The following TMEM123 variants were observed in gnomAD, a reference collection of about 807,000 sequenced individuals.
TMEM123 encodes porimin.
In TMEM123, 16 loss-of-function variants were observed where a neutral mutation model predicts 19.7. The observed-to-expected ratio is 0.81, with a 90% CI of 0.55 to 1.23. The LOEUF (loss-of-function observed/expected upper bound fraction) is 1.23. TMEM123 is among the 50% of genes most tolerant of loss of function. The pLI, the probability that TMEM123 is intolerant of heterozygous loss-of-function variation, is 0.00. For synonymous variants in TMEM123, 118 were observed against 99.4 expected (o/e 1.19, Z -1.12); for missense variants, 313 against 257.8 (o/e 1.21, Z -1.47).
chr11:102,421,794 T>C (rs1952089079), intron 2 of TMEM123, among the ~76,000 whole-genome samples: 1 of 152,210 alleles, frequency 6.6e-6, no homozygotes, highest in African/African-American at 2.4e-5. Context: ...ACATATGCTG[T>C]GTGCAGTCAC....
intron 2 of TMEM123, among the ~76,000 whole-genome samples, chr11:102,428,248 C>T (rs772806034): frequency 3.1e-4 from 47 of 152,196 alleles, no homozygotes; most frequent in Non-Finnish European, 4.7e-4. Context: ...TATATTATTA[C>T]GTTACTACTG....
chr11:102,415,120 C>T (rs1195841339), intron 2 of TMEM123, among the ~76,000 whole-genome samples: 1 of 152,176 alleles, frequency 6.6e-6, no homozygotes, highest in African/African-American at 2.4e-5. Context: ...TACAGGGTTA[C>T]CTCAACAAGA....
intron 2 of TMEM123, among the ~76,000 whole-genome samples, chr11:102,435,194 T>G (rs1057003734): frequency 4.6e-5 from 7 of 151,804 alleles, no homozygotes; most frequent in African/African-American, 1.7e-4. Context: ...AATAAATAAT[T>G]TTCCACTAGA....
Position 102,398,531 on chromosome 11 carries a change from TTCTG to T in TMEM123, c.*332_*335del, listed in dbSNP as rs542798866. On this transcript the variant is annotated 3_prime_UTR_variant, in exon 5 of 5. Coordinates refer to ENST00000398136, the MANE Select transcript of TMEM123 (RefSeq NM_052932.3). ...TTCTTATTTGTATGCCCAGATGGCATTCTGTCTTTCAGTGATGACGTCTTTCAAT... is the reference window on the plus strand; with the variant it reads ...TTCTTATTTGTATGCCCAGATGGCATTCTTTCAGTGATGACGTCTTTCAAT... 2.4e-3 allele frequency: 1,048 copies of T among 429,424 alleles called. 12 individuals are homozygous for T. The highest frequency in any genetic ancestry group is 0.019 in the African/African-American group (945 of 48,902). 26.6% of individuals were successfully genotyped at this position (429,424 alleles called of 1,614,324 possible). A position where few individuals can be genotyped will look rare whatever the true frequency, so the allele number is the denominator to read the frequency against.
intron 2 of TMEM123, among the ~76,000 whole-genome samples, chr11:102,405,694 C>A (rs1225615381): frequency 1.3e-5 from 2 of 152,244 alleles, no homozygotes; most frequent in African/African-American, 4.8e-5. Context: ...CACACCCCTC[C>A]CCCTGCCCTC....
At chr11:102,444,962 T>C (rs1196058710) in intron 2 of TMEM123, among the ~76,000 whole-genome samples, 1 of 145,932 alleles carries the variant, frequency 6.9e-6, no homozygotes, top group East Asian at 2.0e-4. Flanking sequence ...AGGTGAGAAC[T>C]GAACAAAGAG....
chr11:102,447,372 C>T (rs954439586), intron 2 of TMEM123, among the ~76,000 whole-genome samples: 2 of 152,216 alleles, frequency 1.3e-5, no homozygotes, highest in South Asian at 4.1e-4. Flanking sequence ...GAATGTGACA[C>T]TTAGTGTCAT....
At chr11:102,406,313 C>T (rs1040712899) in intron 2 of TMEM123, among the ~76,000 whole-genome samples, 4 of 152,130 alleles carry the variant, frequency 2.6e-5, no homozygotes, top group Non-Finnish European at 5.9e-5. Flanking sequence ...TGCCATCCTC[C>T]ACCTTACACC....
At chr11:102,421,529 A>C (rs973696810) in intron 2 of TMEM123, among the ~76,000 whole-genome samples, 8 of 152,156 alleles carry the variant, frequency 5.3e-5, no homozygotes, top group African/African-American at 1.9e-4. Context: ...CAAAAAAAAA[A>C]ACTGTCTGCT....
intron 1 of TMEM123, chr11:102,451,224 T>C (rs1357851994): frequency 6.6e-6 from 1 of 152,242 alleles, no homozygotes; most frequent in East Asian, 1.9e-4. Flanking sequence ...CGGTAATTCA[T>C]TGAAACAGTA....
chr11:102,441,068 G>A (rs962450244), intron 2 of TMEM123, among the ~76,000 whole-genome samples: 3 of 152,114 alleles, frequency 2.0e-5, no homozygotes, highest in African/African-American at 7.2e-5. Context: ...CCTACAAAGA[G>A]ACTCAGACTC....
intron 2 of TMEM123, among the ~76,000 whole-genome samples, chr11:102,432,639 A>T (rs954450445): frequency 4.6e-5 from 7 of 152,252 alleles, no homozygotes; most frequent in African/African-American, 1.4e-4. Flanking sequence ...TGCATAAGTA[A>T]CAAGGAGCCA....
chr11:102,400,061 G>A (rs762029895), intron 4 of TMEM123, among the ~76,000 whole-genome samples: 3 of 152,172 alleles, frequency 2.0e-5, no homozygotes, highest in Non-Finnish European at 4.4e-5. Context: ...ATGATGCGAT[G>A]TTTATTTAGA....
At chr11:102,406,812 A>C (rs2135844743) in intron 2 of TMEM123, among the ~76,000 whole-genome samples, 2 of 151,214 alleles carry the variant, frequency 1.3e-5, no homozygotes, top group South Asian at 4.2e-4. Flanking sequence ...CAGAGCTTGC[A>C]GTGAGCTGAG....
At chr11:102,400,644 G>T (rs1951904417) in intron 4 of TMEM123, among the ~76,000 whole-genome samples, 1 of 152,210 alleles carries the variant, frequency 6.6e-6, no homozygotes, top group East Asian at 1.9e-4. Flanking sequence ...TTTGAAGTGG[G>T]GCCTTGGGAA....
At chr11:102,426,927 C>T (rs1466129548) in intron 2 of TMEM123, among the ~76,000 whole-genome samples, 1 of 120,062 alleles carries the variant, frequency 8.3e-6, no homozygotes, top group Non-Finnish European at 1.6e-5. Flanking sequence ...AGTTTTGTGT[C>T]TGGGTATATA....
chr11:102,404,260 T>C (rs1000211009), intron 2 of TMEM123, among the ~76,000 whole-genome samples: 1 of 152,158 alleles, frequency 6.6e-6, no homozygotes, highest in South Asian at 2.1e-4. Flanking sequence ...GCCTTATTCT[T>C]GAAAGACAGA....
At chr11:102,404,813 T>G (rs891782136) in intron 2 of TMEM123, among the ~76,000 whole-genome samples, 1 of 152,134 alleles carries the variant, frequency 6.6e-6, no homozygotes, top group Non-Finnish European at 1.5e-5. Flanking sequence ...TTGGCCTGGC[T>G]GGTCTTGAAC....
intron 2 of TMEM123, among the ~76,000 whole-genome samples, chr11:102,407,272 G>C (rs1051691459): frequency 5.3e-5 from 8 of 152,206 alleles, no homozygotes; most frequent in African/African-American, 1.2e-4. Flanking sequence ...TTTCAATTTT[G>C]AATCACTGTA....
Sources: gnomAD v4.1 joint callset for allele counts (sites outside exome capture counted in the v4.1 genomes callset) on GRCh38, gnomAD v4.1.1 for gene constraint, MANE v1.5 for transcripts, NCBI Gene and HGNC (gene_info 2026-07-23, HGNC 2026-07-21) for gene names.